The following PIGU variants were observed in gnomAD, a reference collection of about 807,000 sequenced individuals.
PIGU encodes the protein GPI-anchor transamidase component PIGU.
In PIGU, 24 loss-of-function variants were observed where a neutral mutation model predicts 49.9. The observed-to-expected ratio is 0.48, with a 90% CI of 0.35 to 0.68. PIGU has a LOEUF of 0.68. Ranked by LOEUF, PIGU falls within the 30% of genes least tolerant of loss-of-function variation. PIGU has a pLI of 0.01. For missense variants in PIGU, 490 were observed against 532.6 expected (o/e 0.92, Z 0.79); for synonymous variants, 220 against 205.7 (o/e 1.07, Z -0.59).
At chr20:34,580,887 G>A (rs1983433922) in intron 10 of PIGU, among the ~76,000 whole-genome samples, 2 of 152,206 alleles carry the variant, frequency 1.3e-5, no homozygotes, top group South Asian at 4.1e-4. Context: ...TTAGAGCTTA[G>A]AGGGGTTGTC....
chr20:34,627,087 T>C lies in PIGU; in HGVS notation c.529+7528A>G, dbSNP rs188127882. On this transcript the variant is annotated intron_variant, in intron 6 of 11. Transcript: ENST00000217446. ...CTAAAATAGAACTCTTCAAATATTT[T>C]AACAGATTAGAAATGTTGTTTGTGA... 2.8e-3 allele frequency among the ~76,000 whole-genome samples: 427 copies of C among 152,300 alleles called. 3 individuals carry two copies. Among genetic ancestry groups the C allele is most frequent in the Admixed American group, 4.9e-3 (75 of 15,302 alleles).
rs918127026 is a variant in PIGU, at chr20:34,675,977, G to A, written c.130+979C>T. The stretch of plus-strand genomic sequence containing the variant: ...TGAATACAGTTTTTAAAAATTCATT[G>A]AACTCTACACTTACTTAATATGCAT... On this transcript the variant is annotated intron_variant, in intron 1 of 11. Transcript: ENST00000217446. Among the ~76,000 whole-genome samples, 13 of 147,696 alleles carry A rather than the reference G, an allele frequency of 8.8e-5. No individual in the cohort carries two copies. In the East Asian group the frequency reaches 1.6e-3, roughly 18 times the overall value.
In PIGU at chr20:34,666,759, C is replaced by T. The variant is rs1340518702; in HGVS notation, c.131-9515G>A. Among the ~76,000 whole-genome samples the T allele has an allele frequency of 9.1e-5, 13 of 143,208 alleles. 1 individual carries two copies. In the South Asian group the frequency reaches 2.8e-3, roughly 31 times the overall value. The allele number at this position is 143,208 out of a possible 152,430, so 94.0% of individuals were successfully genotyped here. A position where few individuals can be genotyped will look rare whatever the true frequency, so the allele number is the denominator to read the frequency against. The stretch of plus-strand genomic sequence containing the variant: ...TCACCCAGGCTGGAGTGCAGTGGCG[C>T]GATCTCGGCTCACTGCAAACTCCAC... On this transcript the variant is annotated intron_variant, in intron 1 of 11. Transcript: ENST00000217446.
At chr20:34,643,938 T>C (rs968035116) in intron 4 of PIGU, 22 of 376,862 alleles carry the variant, frequency 5.8e-5, no homozygotes, top group Non-Finnish European at 5.1e-6. Flanking sequence ...TATTAATAGT[T>C]ATTAATAAGC....
At chr20:34,659,136 C>G (rs1223887359) in intron 1 of PIGU, among the ~76,000 whole-genome samples, 1 of 140,480 alleles carries the variant, frequency 7.1e-6, no homozygotes, top group Non-Finnish European at 1.6e-5. Flanking sequence ...GCGCCTCTGC[C>G]CGGCTGCCCC....
chr20:34,616,712 T>A (rs563704200), intron 6 of PIGU, among the ~76,000 whole-genome samples: 57 of 152,098 alleles, frequency 3.7e-4, no homozygotes, highest in Non-Finnish European at 6.6e-4. Flanking sequence ...TATTAAGAAT[T>A]TGCAATGACT....
chr20:34,562,660 C>A, intron 11 of PIGU: 1 of 973,076 alleles, frequency 1.0e-6, no homozygotes. Context: ...GAGCACTGGA[C>A]TAATGGCCAT....
chr20:34,577,514 G>A (rs1421310126), intron 10 of PIGU, among the ~76,000 whole-genome samples: 2 of 152,096 alleles, frequency 1.3e-5, no homozygotes, highest in Admixed American at 6.6e-5. Context: ...TCAAGAGTTC[G>A]AAACCAGCCT....
chr20:34,593,642 T>G (rs1040018377), intron 7 of PIGU, among the ~76,000 whole-genome samples: 9 of 152,240 alleles, frequency 5.9e-5, no homozygotes. Context: ...TAATCAATGA[T>G]GCTAGGACAA....
chr20:34,656,680 C>G (rs745879193), intron 2 of PIGU, among the ~76,000 whole-genome samples: 1 of 150,410 alleles, frequency 6.6e-6, no homozygotes, highest in Admixed American at 6.7e-5. Context: ...GTAGGAGGAT[C>G]GCTTGAGCCC....
chr20:34,605,178 C>T (rs1473183270), intron 7 of PIGU, among the ~76,000 whole-genome samples: 3 of 152,192 alleles, frequency 2.0e-5, no homozygotes, highest in African/African-American at 7.2e-5. Context: ...GGAAACTAGG[C>T]TCTCAGCCAA....
chr20:34,563,333 C>T (rs907518841), intron 11 of PIGU, among the ~76,000 whole-genome samples: 4 of 151,976 alleles, frequency 2.6e-5, no homozygotes, highest in African/African-American at 9.7e-5. Flanking sequence ...TTTGGGAGGC[C>T]GAAGCAGGCG....
intron 2 of PIGU, among the ~76,000 whole-genome samples, chr20:34,648,137 G>C (rs1042092061): frequency 6.6e-6 from 1 of 151,558 alleles, no homozygotes; most frequent in African/African-American, 2.4e-5. Context: ...TGTAATCCAA[G>C]CTACTTGGGA....
chr20:34,640,363 T>TC (rs1249074486), intron 4 of PIGU, among the ~76,000 whole-genome samples: 2 of 152,334 alleles, frequency 1.3e-5, no homozygotes, highest in East Asian at 3.9e-4. Flanking sequence ...ATTATGGCTC[T>TC]CCTCATAGGC....
At chr20:34,599,323 C>T (rs1277180671) in intron 7 of PIGU, among the ~76,000 whole-genome samples, 6 of 151,856 alleles carry the variant, frequency 4.0e-5, no homozygotes, top group South Asian at 2.1e-4. Context: ...CATGGTGGCA[C>T]GCGCCTGTAG....
At chr20:34,583,621 G>A (rs1025100965) in intron 9 of PIGU, among the ~76,000 whole-genome samples, 1 of 152,256 alleles carries the variant, frequency 6.6e-6, no homozygotes, top group African/African-American at 2.4e-5. Flanking sequence ...AGAGCTGGCT[G>A]CACGGCCAGT....
In PIGU at chr20:34,588,629, A is replaced by G. The variant is rs369785872; in HGVS notation, c.628-22T>C. ...GCCGCTGGAGAGAAGGCAAAGTGAT[A>G]TAAACTTAGGGATGTAAACAACAGA... On this transcript the variant is annotated intron_variant, in intron 7 of 11. Coordinates refer to ENST00000217446, the MANE Select transcript of PIGU (RefSeq NM_080476.5). 4.4e-6 allele frequency: 7 copies of G among 1,606,850 alleles called. No individual in the cohort carries two copies. In the East Asian group the frequency reaches 1.1e-4, roughly 26 times the overall value.
At chr20:34,665,499 G>A (rs1987062858) in intron 1 of PIGU, among the ~76,000 whole-genome samples, 1 of 151,508 alleles carries the variant, frequency 6.6e-6, no homozygotes, top group African/African-American at 2.4e-5. Flanking sequence ...CACCGCGCCC[G>A]GCCCAATTTT....
chr20:34,560,923 T>A lies in PIGU; in HGVS notation c.1251A>T (p.Thr417=). 6.2e-7 allele frequency: 1 copy of A among 1,613,178 alleles called. No homozygotes were observed. Residue 417 remains threonine, a synonymous_variant, in exon 12 of 12, where the codon ACA becomes ACT. Transcript: ENST00000217446. ...YAFLRREYYL[T]HGLYLTAKDG... ...CCTTGGCGGTCAAGTAGAGGCCATGTGTGAGGTAGTACTCCCGCCGCAGGA... is the reference window on the plus strand; with the variant it reads ...CCTTGGCGGTCAAGTAGAGGCCATGAGTGAGGTAGTACTCCCGCCGCAGGA...
Sources: allele counts gnomAD v4.1 joint callset (sites outside exome capture counted in the v4.1 genomes callset), GRCh38; gene constraint gnomAD v4.1.1; transcripts MANE v1.5; gene names NCBI Gene and HGNC (gene_info 2026-07-23, HGNC 2026-07-21).